RNF41: variants seen among roughly 807,000 people sequenced by gnomAD.
RNF41 encodes the protein E3 ubiquitin-protein ligase NRDP1.
RNF41 carries 4 observed loss-of-function variants against 33.0 expected under a neutral mutation model. The observed-to-expected ratio is 0.12, with a 90% CI of 0.06 to 0.28. RNF41 has a LOEUF of 0.28. Ranked by LOEUF, RNF41 falls within the 10% of genes least tolerant of loss-of-function variation. RNF41 has a pLI of 1.00. For missense variants in RNF41, 228 were observed against 432.6 expected (o/e 0.53, Z 4.19); for synonymous variants, 164 against 153.2 (o/e 1.07, Z -0.52).
chr12:56,214,168 A>G, intron 2 of RNF41, 98 bp from the exon 3 acceptor site: 1 of 733,970 alleles, frequency 1.4e-6, no homozygotes, highest in Non-Finnish European at 2.4e-6. Flanking sequence ...TTATCCAACA[A>G]ATATTTACTG....
At chr12:56,209,452 G>A (rs1868348143) in intron 4 of RNF41, among the ~76,000 whole-genome samples, 1 of 150,780 alleles carries the variant, frequency 6.6e-6, no homozygotes, top group African/African-American at 2.5e-5. Flanking sequence ...CACCACACTT[G>A]GCTAATTTTT....
In RNF41 at chr12:56,203,397, CTGG is replaced by C. The variant is rs1878677580; in HGVS notation, c.*3047_*3049del. On this transcript the variant is annotated 3_prime_UTR_variant, in exon 7 of 7. Coordinates refer to ENST00000345093, the MANE Select transcript of RNF41 (RefSeq NM_005785.4). The stretch of plus-strand genomic sequence containing the variant: ...AGGTAGCAGCAAATACTTATGAAGA[CTGG>C]TTTTTTTTTTTTTTTTTTTGAGACG... The C allele has an allele frequency of 3.6e-5, 1 of 27,856 alleles. No homozygotes were observed. The highest frequency in any genetic ancestry group is 3.4e-3 in the South Asian group (1 of 296). The allele number at this position is 27,856 out of a possible 1,614,324, so 1.7% of individuals were successfully genotyped here.
intron 4 of RNF41, among the ~76,000 whole-genome samples, chr12:56,209,562 G>A (rs1363160951): frequency 7.9e-5 from 12 of 151,324 alleles, no homozygotes; most frequent in Admixed American, 2.6e-4. Context: ...GGTTCATGCC[G>A]TTCTCCTGCC....
chr12:56,208,523 A>G (rs974664422), intron 4 of RNF41: 26 of 411,072 alleles, frequency 6.3e-5, no homozygotes, highest in Admixed American at 5.5e-4. Flanking sequence ...CCCAATCAAG[A>G]CACAGTGTTT....
rs1878765911 is a variant in RNF41, at chr12:56,204,753, T to C, written c.*1694A>G. ...CGTTTTCAAATTCCTGAGCACAATG[T>C]CCCAGAGCTGGAACCCTACTCCCCT... On this transcript the variant is annotated 3_prime_UTR_variant, in exon 7 of 7. Transcript: ENST00000345093. The C allele has an allele frequency of 6.6e-6, 1 of 152,502 alleles. No individual in the cohort carries two copies. The highest frequency in any genetic ancestry group is 2.1e-4 in the South Asian group (1 of 4,814). 9.4% of individuals were successfully genotyped at this position (152,502 alleles called of 1,614,324 possible). A position where few individuals can be genotyped will look rare whatever the true frequency, so the allele number is the denominator to read the frequency against.
intron 4 of RNF41, chr12:56,208,667 C>A (rs371091394): frequency 1.9e-5 from 3 of 156,460 alleles, no homozygotes; most frequent in Non-Finnish European, 2.8e-5. Flanking sequence ...CAGGTTCAAG[C>A]GATTCTCCTG....
chr12:56,219,336 C>T (rs1367995643), intron 1 of RNF41, among the ~76,000 whole-genome samples: 3 of 151,780 alleles, frequency 2.0e-5, no homozygotes, highest in African/African-American at 4.8e-5. Context: ...GGACTACAGG[C>T]GCCCGCCAGG....
At chr12:56,209,121 T>C (rs1231150146) in intron 4 of RNF41, among the ~76,000 whole-genome samples, 1 of 152,090 alleles carries the variant, frequency 6.6e-6, no homozygotes, top group Non-Finnish European at 1.5e-5. Context: ...CGCCTCGTCC[T>C]CCCAAAGTGC....
intron 1 of RNF41, among the ~76,000 whole-genome samples, chr12:56,219,689 T>A (rs1238382002): frequency 2.2e-5 from 1 of 46,234 alleles, no homozygotes; most frequent in Non-Finnish European, 6.5e-5. Flanking sequence ...GCACCCCTTA[T>A]ACATACTGTC....
chr12:56,219,846 C>G (rs1347113462), intron 1 of RNF41, among the ~76,000 whole-genome samples: 2 of 151,148 alleles, frequency 1.3e-5, no homozygotes, highest in African/African-American at 4.9e-5. Flanking sequence ...GAAACCTTGT[C>G]TCTACAAAAA....
chr12:56,209,511 G>A (rs1156618035), intron 4 of RNF41, among the ~76,000 whole-genome samples: 104 of 150,072 alleles, frequency 6.9e-4, no homozygotes, highest in Admixed American at 6.7e-5. Flanking sequence ...AGGCTGGAGT[G>A]CAGTGGCTCA....
rs560749236 is a variant in RNF41 at position 56,207,781 on chromosome 12, T to G, written c.499-32A>C. 302 of 1,548,340 alleles carry G rather than the reference T, an allele frequency of 2.0e-4. 1 individual carries two copies. In the Middle Eastern group the frequency reaches 2.5e-3, roughly 13 times the overall value. On this transcript the variant is annotated intron_variant, in intron 5 of 6. Transcript: ENST00000345093. The stretch of plus-strand genomic sequence containing the variant: ...TGGGGAAGAAGAACAGGAATAATGG[T>G]TAAGGCAGACAGCAGAAAAAAGACA...
rs1309982208 is a variant in RNF41 at position 56,207,664 on chromosome 12, T to C, written c.584A>G (p.Glu195Gly). 1.2e-6 allele frequency: 2 copies of C among 1,613,454 alleles called. No homozygotes were observed. The highest frequency in any genetic ancestry group is 1.1e-5 in the South Asian group (1 of 91,062). ...PNLQNLEETI[E>G]YNEILEWVNS... is the part of the protein sequence containing the mutation. Reference sequence around the variant, plus strand: ...CACTCACTCTAGGATCTCGTTGTATTCAATTGTCTCCTCCAGGTTCTGAAG... The same window carrying C: ...CACTCACTCTAGGATCTCGTTGTATCCAATTGTCTCCTCCAGGTTCTGAAG... Residue 195 changes from glutamate to glycine, a missense_variant, in exon 6 of 7, where the codon GAA becomes GGA. Coordinates refer to ENST00000345093, the MANE Select transcript of RNF41 (RefSeq NM_005785.4).
intron 1 of RNF41, among the ~76,000 whole-genome samples, chr12:56,217,745 T>C (rs985530105): frequency 2.6e-5 from 4 of 152,080 alleles, no homozygotes; most frequent in Non-Finnish European, 4.4e-5. Flanking sequence ...AGCAGCGGCA[T>C]TTGATTCTCA....
chr12:56,211,236 T>G (rs1868453907), intron 3 of RNF41, among the ~76,000 whole-genome samples: 2 of 148,868 alleles, frequency 1.3e-5, no homozygotes, highest in Non-Finnish European at 3.0e-5. Context: ...GAGGCTGAGG[T>G]GGGAGGATGG....
At chr12:56,208,879 TTC>T (rs1181963451) in intron 4 of RNF41, among the ~76,000 whole-genome samples, 1 of 150,008 alleles carries the variant, frequency 6.7e-6, no homozygotes, top group Admixed American at 6.7e-5. Flanking sequence ...TTTTTTTTTT[TTC>T]GAGACCAAGT....
intron 3 of RNF41, among the ~76,000 whole-genome samples, chr12:56,212,627 C>T (rs988710107): frequency 2.2e-4 from 34 of 152,028 alleles, no homozygotes; most frequent in Admixed American, 3.9e-4. Flanking sequence ...TTGCTCCACA[C>T]CCATCTAATA....
At chr12:56,219,670 T>C (rs77146689) in intron 1 of RNF41, among the ~76,000 whole-genome samples, 133,988 of 150,940 alleles carry the variant, frequency 0.89, 61,121 homozygotes, top group East Asian at 1. Context: ...TATGTGTATA[T>C]ACACGCGCGC....
chr12:56,210,585 G>A lies in RNF41; in HGVS notation c.91-17C>T, dbSNP rs1480002609. The A allele has an allele frequency of 1.9e-6, 3 of 1,607,222 alleles. No homozygotes were observed. ...ATGAGGTGCCTAGAAGAGAGAACAAGGCAAAAGGGGCGCAAGGGAATTAGC... is the reference window on the plus strand; with the variant it reads ...ATGAGGTGCCTAGAAGAGAGAACAAAGCAAAAGGGGCGCAAGGGAATTAGC... On this transcript the variant is annotated splice_polypyrimidine_tract_variant and intron_variant, in intron 3 of 6. Transcript: ENST00000345093.
Sources: allele counts gnomAD v4.1 joint callset (sites outside exome capture counted in the v4.1 genomes callset), GRCh38; gene constraint gnomAD v4.1.1; transcripts MANE v1.5; gene names NCBI Gene and HGNC (gene_info 2026-07-23, HGNC 2026-07-21).